The following CDH1 variants were observed in gnomAD, a reference collection of about 807,000 sequenced individuals.
CDH1 encodes cadherin-1.
CDH1 carries 35 observed loss-of-function variants against 84.5 expected under a neutral mutation model. That is an observed-to-expected ratio of 0.41 (90% CI 0.32 to 0.55). CDH1 has a LOEUF of 0.55. Ranked by LOEUF, CDH1 falls within the 20% of genes least tolerant of loss-of-function variation. The probability of loss-of-function intolerance (pLI) is 0.19; values close to 1 mark genes in which losing one functional copy is unlikely to be tolerated. For synonymous variants in CDH1, 417 were observed against 439.0 expected, an observed-to-expected ratio of 0.95 and a Z score of 0.63; for missense variants, 994 against 1,126.6, an observed-to-expected ratio of 0.88 and a Z score of 1.68.
At chr16:68,792,692 T>C (rs1007857700) in intron 2 of CDH1, among the ~76,000 whole-genome samples, 3 of 152,314 alleles carry the variant, frequency 2.0e-5, no homozygotes, top group Non-Finnish European at 4.4e-5. Context: ...ACCAAGTCGC[T>C]TGAGTAATCT....
intron 2 of CDH1, among the ~76,000 whole-genome samples, chr16:68,743,526 C>T (rs1007710778): frequency 4.0e-5 from 6 of 151,676 alleles, no homozygotes; most frequent in Non-Finnish European, 8.8e-5. Context: ...GAAGCATGCC[C>T]AGCTAATTTT....
intron 11 of CDH1, 91 bp downstream of exon 11, chr16:68,819,516 T>C (rs1200397198): frequency 7.5e-7 from 1 of 1,335,910 alleles, no homozygotes; most frequent in Non-Finnish European, 1.1e-6. Context: ...AAGAGTTCAT[T>C]CTTTTTCTTT....
intron 2 of CDH1, among the ~76,000 whole-genome samples, chr16:68,738,977 T>C (rs1962485937): frequency 1.2e-5 from 1 of 80,878 alleles, no homozygotes; most frequent in Admixed American, 1.6e-4. Flanking sequence ...AGACAGGGTC[T>C]TGCTCTGTTG....
chr16:68,738,486 A>T lies in CDH1; in HGVS notation c.163+75A>T, dbSNP rs1465475126. The T allele has an allele frequency of 9.0e-6, 9 of 994,626 alleles. No individual in the cohort carries two copies. The East Asian group carries it at 1.3e-4, about 15-fold the overall frequency. 61.6% of individuals were successfully genotyped at this position (994,626 alleles called of 1,614,324 possible). A position where few individuals can be genotyped will look rare whatever the true frequency, so the allele number is the denominator to read the frequency against. ...AGGGGCCGAGAAATTGCACTCCCAC[A>T]CCCCTGGGTTGCAATGGGCAAGCTC... On this transcript the variant is annotated intron_variant, in intron 2 of 15. Coordinates refer to ENST00000261769, the MANE Select transcript of CDH1 (RefSeq NM_004360.5).
rs960625733 is a variant in CDH1, at chr16:68,808,405, T to A, written c.388-19T>A. The A allele has an allele frequency of 6.2e-7, 1 of 1,614,096 alleles. No individual in the cohort carries two copies. Among genetic ancestry groups the A allele is most frequent in the African/African-American group, 1.3e-5 (1 of 75,052 alleles). On this transcript the variant is annotated intron_variant, in intron 3 of 15. Transcript: ENST00000261769. ...GTCTTGAATTGTCTTATCTTGTTCC[T>A]CATCTTCTTTCCTTTTAGGCCTCCG...
At chr16:68,831,350 A>G (rs916237048) in intron 15 of CDH1, among the ~76,000 whole-genome samples, 3 of 150,434 alleles carry the variant, frequency 2.0e-5, no homozygotes, top group Admixed American at 6.6e-5. Flanking sequence ...TTGGCCTCCC[A>G]AAGTGTTGGG....
chr16:68,741,742 C>A (rs1116485), intron 2 of CDH1, among the ~76,000 whole-genome samples: 1 of 151,906 alleles, frequency 6.6e-6, no homozygotes, highest in African/African-American at 2.4e-5. Context: ...TGCAGAGGTG[C>A]GATCTCGGCT....
chr16:68,810,109 A>AG (rs1180441331), intron 5 of CDH1, 88 bp from the exon 6 acceptor site: 2 of 1,426,270 alleles, frequency 1.4e-6, no homozygotes, highest in Admixed American at 1.7e-5. Flanking sequence ...TGTGGCAGCC[A>AG]GGGGGGCGCA....
At chr16:68,809,264 A>G (rs1597891586) in intron 5 of CDH1, among the ~76,000 whole-genome samples, 1 of 145,090 alleles carries the variant, frequency 6.9e-6, no homozygotes, top group Admixed American at 7.1e-5. Context: ...TCACTCTGTC[A>G]CCCAGGCTGG....
At chr16:68,755,945 G>A (rs1053561487) in intron 2 of CDH1, among the ~76,000 whole-genome samples, 4 of 151,280 alleles carry the variant, frequency 2.6e-5, no homozygotes, top group African/African-American at 7.3e-5. Flanking sequence ...TGTATTTTTC[G>A]TAGAGACGGG....
At chr16:68,750,831 A>G (rs1962868772) in intron 2 of CDH1, among the ~76,000 whole-genome samples, 2 of 151,690 alleles carry the variant, frequency 1.3e-5, no homozygotes, top group Admixed American at 6.6e-5. Context: ...CAGCCTCCCA[A>G]GTAGCTGGGA....
intron 3 of CDH1, among the ~76,000 whole-genome samples, chr16:68,806,244 C>T (rs1270419510): frequency 3.3e-5 from 5 of 151,704 alleles, no homozygotes; most frequent in South Asian, 2.1e-4. Context: ...CTCTGCCTCC[C>T]GGGTTCAAGC....
intron 5 of CDH1, 22 bp from the exon 6 acceptor site, chr16:68,810,175 C>A (rs1294142944): frequency 1.2e-6 from 2 of 1,613,850 alleles, no homozygotes; most frequent in East Asian, 4.5e-5. Context: ...GAGCTCAAGT[C>A]ACCCTCACTT....
At chr16:68,823,070 G>T in intron 12 of CDH1, 1 of 310,662 alleles carries the variant, frequency 3.2e-6, no homozygotes, top group East Asian at 7.6e-5. Flanking sequence ...GGCCGGGCTG[G>T]GCAAAAAGGT....
At position 68,813,408 on chromosome 16, in the gene CDH1, T is replaced by C. The variant is rs779630879; in HGVS notation, c.1233T>C (p.Ala411=). ...CCCCCAATACCCCAGCGTGGGAGGC[T>C]GTATACACCATATTGAATGATGATG... ...ADAPNTPAWE[A]VYTILNDDGG... Residue 411 remains alanine (A), a synonymous_variant, in exon 9 of 16, where the codon GCT becomes GCC. Coordinates refer to ENST00000261769, the MANE Select transcript of CDH1 (RefSeq NM_004360.5). The C allele has an allele frequency of 5.0e-6, 8 of 1,614,030 alleles. No individual in the cohort carries two copies. The highest frequency in any genetic ancestry group is 3.3e-5 in the Admixed American group (2 of 60,002).
At chr16:68,765,133 G>C (rs1343902580) in intron 2 of CDH1, 2 of 152,128 alleles carry the variant, frequency 1.3e-5, no homozygotes, top group African/African-American at 4.8e-5. Flanking sequence ...TTTTAGGTTG[G>C]GCCAACTGAG....
In CDH1 at chr16:68,808,473, C is replaced by G. The variant is rs751425296; in HGVS notation, c.437C>G (p.Ser146Cys). The G allele has an allele frequency of 1.2e-6, 2 of 1,614,150 alleles. No homozygotes were observed. The highest frequency in any genetic ancestry group is 2.2e-5 in the East Asian group (1 of 44,880). The change falls in exon 4 of 16, where the codon TCT becomes TGT. Residue 146 changes from serine to cysteine, a missense_variant. Physicochemically the swap from Ser to Cys is moderately radical, Grantham distance 112. Around this residue, in one of 3 missense-constraint regions of CDH1, gnomAD observed 203 missense variants for 194.0 expected, o/e 1.05. Coordinates refer to ENST00000261769, the MANE Select transcript of CDH1 (RefSeq NM_004360.5). ...QAELLTFPNS[S>C]PGLRRQKRDW... The stretch of plus-strand genomic sequence containing the variant: ...GAATTGCTCACATTTCCCAACTCCT[C>G]TCCTGGCCTCAGAAGACAGAAGAGA...
rs148953523 is a variant in CDH1 at position 68,811,513 on chromosome 16, C to A, written c.833-171C>A. On this transcript the variant is annotated intron_variant, in intron 6 of 15. Coordinates refer to ENST00000261769, the MANE Select transcript of CDH1 (RefSeq NM_004360.5). ...CTGGATAATAAGTTGATAGTTTGAG[C>A]TTTCTTTCTCCCCTAGCACTTTGGT... is the stretch of plus-strand genomic sequence containing the variant. 2.0e-5 allele frequency among the ~76,000 whole-genome samples: 3 copies of A among 151,718 alleles called. No homozygotes were observed. The East Asian group carries it at 5.8e-4, about 29-fold the overall frequency.
chr16:68,737,301 G>A lies in CDH1; in HGVS notation c.-115G>A, dbSNP rs2152113823. 1.2e-6 allele frequency: 1 copy of A among 824,180 alleles called. No individual in the cohort carries two copies. Among genetic ancestry groups the A allele is most frequent in the Non-Finnish European group, 1.9e-6 (1 of 534,068 alleles). The allele number at this position is 824,180 out of a possible 1,614,324, so 51.1% of individuals were successfully genotyped here. On this transcript the variant is annotated 5_prime_UTR_variant, in exon 1 of 16. Transcript: ENST00000261769. The stretch of plus-strand genomic sequence containing the variant: ...CCACGCACCCCCTCTCAGTGGCGTC[G>A]GAACTGCAAAGCACCTGTGAGCTTG...
Sources: gnomAD v4.1 joint callset for allele counts (sites outside exome capture counted in the v4.1 genomes callset) on GRCh38, gnomAD v4.1.1 for gene constraint, gnomAD v4.1.1 regional missense constraint, MANE v1.5 for transcripts, NCBI Gene and HGNC (gene_info 2026-07-23, HGNC 2026-07-21) for gene names.